The following SLC30A8 variants were observed in gnomAD, a reference collection of about 807,000 sequenced individuals.
SLC30A8 encodes the protein solute carrier family 30 member 8, also known as proton-coupled zinc antiporter SLC30A8.
Under a neutral mutation model 36.9 loss-of-function variants are expected in SLC30A8, and 27 were observed. The observed-to-expected ratio is 0.73, with a 90% CI of 0.54 to 1.01. SLC30A8 has a LOEUF of 1.01. SLC30A8 is among the 50% of genes least tolerant of loss of function. The probability of loss-of-function intolerance (pLI) is 0.00; values close to 1 mark genes in which losing one functional copy is unlikely to be tolerated. For synonymous variants in SLC30A8, 164 were observed against 172.4 expected, an observed-to-expected ratio of 0.95 and a Z score of 0.38; for missense variants, 439 against 452.0, an observed-to-expected ratio of 0.97 and a Z score of 0.26.
chr8:117,047,386 T>C (rs1442010144), intron 2 of SLC30A8, among the ~76,000 whole-genome samples: 3 of 152,130 alleles, frequency 2.0e-5, no homozygotes, highest in South Asian at 4.1e-4. Flanking sequence ...TCAAGCTCTA[T>C]CCCTAATTCT....
intron 2 of SLC30A8, among the ~76,000 whole-genome samples, chr8:117,066,720 C>CT (rs999154699): frequency 1.4e-4 from 21 of 150,100 alleles, no homozygotes; most frequent in South Asian, 4.3e-4. Context: ...AAGATGTGTA[C>CT]TTTTTTTTTT....
intron 1 of SLC30A8, among the ~76,000 whole-genome samples, chr8:116,981,955 AT>A (rs1186929383): frequency 6.6e-6 from 1 of 152,172 alleles, no homozygotes; most frequent in Admixed American, 6.5e-5. Flanking sequence ...GCTGGGTTGA[AT>A]GGTAATTCTG....
At chr8:116,957,099 T>C (rs1814236351) in intron 1 of SLC30A8, among the ~76,000 whole-genome samples, 1 of 152,140 alleles carries the variant, frequency 6.6e-6, no homozygotes, top group Admixed American at 6.5e-5. Flanking sequence ...GTCTTACACA[T>C]AAAAAAGTGG....
At chr8:117,071,604 A>T (rs1452707465) in intron 2 of SLC30A8, among the ~76,000 whole-genome samples, 1 of 151,950 alleles carries the variant, frequency 6.6e-6, no homozygotes, top group African/African-American at 2.4e-5. Flanking sequence ...CTTTTGGGTC[A>T]TGTCTAAAAA....
chr8:117,073,491 C>T (rs142768404), intron 2 of SLC30A8, among the ~76,000 whole-genome samples: 48 of 152,258 alleles, frequency 3.2e-4, no homozygotes, highest in Admixed American at 1.2e-3. Context: ...AACTCCTGAT[C>T]TGAAGTGATC....
intron 2 of SLC30A8, among the ~76,000 whole-genome samples, chr8:117,046,414 C>T (rs1475315790): frequency 1.3e-5 from 2 of 152,166 alleles, no homozygotes; most frequent in Non-Finnish European, 2.9e-5. Context: ...GGGAAGGATA[C>T]AAGTTAAGCC....
chr8:117,168,188 A>C (rs2129737356), intron 6 of SLC30A8, among the ~76,000 whole-genome samples: 1 of 152,246 alleles, frequency 6.6e-6, no homozygotes, highest in South Asian at 2.1e-4. Context: ...ACACAGCCAA[A>C]CTATATCACA....
intron 2 of SLC30A8, among the ~76,000 whole-genome samples, chr8:117,054,548 G>T (rs535428295): frequency 6.6e-6 from 1 of 152,250 alleles, no homozygotes; most frequent in African/African-American, 2.4e-5. Flanking sequence ...GAAGAATACT[G>T]AAATCCCTGC....
chr8:117,150,783 T>A (rs1822147099), intron 2 of SLC30A8, among the ~76,000 whole-genome samples: 1 of 152,072 alleles, frequency 6.6e-6, no homozygotes, highest in Admixed American at 6.6e-5. Context: ...TTTTTCATAT[T>A]TTTAGTGGAG....
chr8:117,109,706 G>A (rs944366454), intron 2 of SLC30A8, among the ~76,000 whole-genome samples: 9 of 152,180 alleles, frequency 5.9e-5, no homozygotes, highest in African/African-American at 2.2e-4. Flanking sequence ...GTCTGTTGAA[G>A]ACATGTTGTT....
intron 1 of SLC30A8, among the ~76,000 whole-genome samples, chr8:116,953,732 A>G (rs1484958596): frequency 6.6e-6 from 1 of 151,956 alleles, no homozygotes; most frequent in African/African-American, 2.4e-5. Context: ...TTTTCTATCA[A>G]CTTTTTTTCT....
At chr8:117,104,355 C>G (rs559430510) in intron 2 of SLC30A8, among the ~76,000 whole-genome samples, 21 of 152,166 alleles carry the variant, frequency 1.4e-4, no homozygotes, top group Non-Finnish European at 2.9e-4. Context: ...AGGTTCTGCT[C>G]TCTACCCAAC....
At chr8:117,105,449 C>A (rs1306648911) in intron 2 of SLC30A8, among the ~76,000 whole-genome samples, 2 of 152,110 alleles carry the variant, frequency 1.3e-5, no homozygotes, top group Non-Finnish European at 2.9e-5. Flanking sequence ...ATAGAACATA[C>A]ACACACATAT....
intron 2 of SLC30A8, among the ~76,000 whole-genome samples, chr8:117,093,387 G>A (rs1001491829): frequency 2.6e-5 from 4 of 151,556 alleles, no homozygotes; most frequent in African/African-American, 9.7e-5. Context: ...AGCCAAATAA[G>A]ACTTAATAAG....
intron 2 of SLC30A8, among the ~76,000 whole-genome samples, chr8:117,088,721 A>G (rs577205867): frequency 4.6e-5 from 7 of 152,270 alleles, no homozygotes; most frequent in African/African-American, 1.4e-4. Context: ...GGTAATACAC[A>G]TGTTTTTCCA....
At chr8:117,044,922 CT>C (rs1047129261) in intron 2 of SLC30A8, among the ~76,000 whole-genome samples, 41 of 152,312 alleles carry the variant, frequency 2.7e-4, no homozygotes, top group African/African-American at 8.9e-4. Context: ...TCAGAACTAG[CT>C]GCAAATTCCG....
intron 1 of SLC30A8, among the ~76,000 whole-genome samples, chr8:117,031,956 C>T (rs1179929300): frequency 6.6e-6 from 1 of 152,158 alleles, no homozygotes; most frequent in African/African-American, 2.4e-5. Flanking sequence ...TAAGATATTT[C>T]CTTTCCACTT....
intron 2 of SLC30A8, among the ~76,000 whole-genome samples, chr8:117,065,569 A>G (rs1818144173): frequency 6.6e-6 from 1 of 151,932 alleles, no homozygotes. Flanking sequence ...CACCTGTTGT[A>G]TCATCTGCTC....
Position 117,120,457 on chromosome 8 carries a change from A to C in SLC30A8, c.-225-14823A>C, listed in dbSNP as rs1820647197. Among the ~76,000 whole-genome samples the C allele has an allele frequency of 2.6e-5, 4 of 151,934 alleles. No individual in the cohort carries two copies. In the South Asian group the frequency reaches 8.3e-4, roughly 31 times the overall value. On this transcript the variant is annotated intron_variant, in intron 2 of 10. Coordinates refer to the SLC30A8 transcript ENST00000427715. ...GCACCCTTATTTTAAACCATACACA[A>C]AAGTCAACTCAAAATGGGTTAAAGA...
Sources: allele counts gnomAD v4.1 joint callset (sites outside exome capture counted in the v4.1 genomes callset), GRCh38; gene constraint gnomAD v4.1.1; transcripts MANE v1.5; gene names NCBI Gene and HGNC (gene_info 2026-07-23, HGNC 2026-07-21).